Variants in LNX1 observed in about 807,000 individuals in gnomAD.
The protein encoded by LNX1 is ligand of numb-protein X 1.
In LNX1, 54 loss-of-function variants were observed where a neutral mutation model predicts 68.4. The ratio of observed to expected loss-of-function variants is 0.79; its 90% CI spans 0.63 to 0.99. The LOEUF (loss-of-function observed/expected upper bound fraction) is 0.99. Among genes scored for constraint, LNX1 ranks in the 50% least tolerant of loss-of-function variants. The pLI, the probability that LNX1 is intolerant of heterozygous loss-of-function variation, is 0.00. For synonymous variants in LNX1, 336 were observed against 350.0 expected (o/e 0.96, Z 0.45); for missense variants, 906 against 926.4 (o/e 0.98, Z 0.29).
intron 2 of LNX1, among the ~76,000 whole-genome samples, chr4:53,521,272 C>T (rs1192588785): frequency 6.6e-6 from 1 of 152,154 alleles, no homozygotes; most frequent in African/African-American, 2.4e-5. Flanking sequence ...ACCCCAGGGG[C>T]TCTGCAGAGG....
intron 2 of LNX1, among the ~76,000 whole-genome samples, chr4:53,552,251 G>T (rs906174449): frequency 7.2e-5 from 11 of 152,124 alleles, no homozygotes; most frequent in Non-Finnish European, 1.5e-5. Flanking sequence ...TGAAGGGCAG[G>T]TACTTTGAAA....
intron 2 of LNX1, among the ~76,000 whole-genome samples, chr4:53,615,499 A>G (rs1192776091): frequency 6.6e-6 from 1 of 152,154 alleles, no homozygotes; most frequent in Admixed American, 6.5e-5. Context: ...AAGGAAGAAG[A>G]CTGAGGCTCT....
chr4:53,507,078 G>A, intron 4 of LNX1, among the ~76,000 whole-genome samples: 1 of 151,966 alleles, frequency 6.6e-6, no homozygotes, highest in South Asian at 2.1e-4. Flanking sequence ...ATGCATAATG[G>A]TACTAGCGCC....
At chr4:53,562,809 G>A (rs934409620) in intron 2 of LNX1, among the ~76,000 whole-genome samples, 1 of 152,064 alleles carries the variant, frequency 6.6e-6, no homozygotes, top group Non-Finnish European at 1.5e-5. Flanking sequence ...ACATATATGA[G>A]GTAATGCATG....
At chr4:53,586,748 C>A (rs1048449460) in intron 1 of LNX1, among the ~76,000 whole-genome samples, 1 of 152,254 alleles carries the variant, frequency 6.6e-6, no homozygotes, top group East Asian at 1.9e-4. Flanking sequence ...GTAAAAACTG[C>A]AAATCTCAAA....
At chr4:53,535,406 G>A (rs770471744) in intron 2 of LNX1, among the ~76,000 whole-genome samples, 6 of 152,042 alleles carry the variant, frequency 3.9e-5, no homozygotes, top group Non-Finnish European at 8.8e-5. Context: ...AATCTCTCCC[G>A]TCCATCAAGA....
intron 2 of LNX1, among the ~76,000 whole-genome samples, chr4:53,614,820 C>G (rs2668558): frequency 0.72 from 109,689 of 151,476 alleles, 40,045 homozygotes; most frequent in East Asian, 0.9. Flanking sequence ...GCCTCCTGGT[C>G]ATGGAGCAAT....
At chr4:53,601,104 A>AG (rs1291545950) in intron 2 of LNX1, among the ~76,000 whole-genome samples, 27 of 9,670 alleles carry the variant, frequency 2.8e-3, no homozygotes, top group African/African-American at 0.011. Context: ...GGAGGGAGGG[A>AG]GGGGGGGAGG....
chr4:53,644,591 C>T (rs1408155650), intron 1 of LNX1, among the ~76,000 whole-genome samples: 1 of 152,194 alleles, frequency 6.6e-6, no homozygotes, highest in African/African-American at 2.4e-5. Context: ...AAACACACCA[C>T]TAGCTGGGAC....
At chr4:53,610,455 C>T (rs1451765961) in intron 2 of LNX1, among the ~76,000 whole-genome samples, 1 of 151,980 alleles carries the variant, frequency 6.6e-6, no homozygotes, top group Admixed American at 6.6e-5. Flanking sequence ...AGCCTGTAAT[C>T]CCAGCACTTT....
intron 6 of LNX1, among the ~76,000 whole-genome samples, chr4:53,487,878 T>C (rs1224891852): frequency 6.6e-6 from 1 of 152,236 alleles, no homozygotes; most frequent in Non-Finnish European, 1.5e-5. Context: ...TGAGACAGTT[T>C]GGCTTTAAAT....
chr4:53,605,467 G>A (rs532741401), intron 2 of LNX1, among the ~76,000 whole-genome samples: 1 of 152,022 alleles, frequency 6.6e-6, no homozygotes, highest in African/African-American at 2.4e-5. Context: ...TATGTTCCCA[G>A]TAAATTTCCA....
At chr4:53,573,503 GTT>G (rs1192521983) in intron 2 of LNX1, 118 bp downstream of exon 2, 1 of 666,594 alleles carries the variant, frequency 1.5e-6, no homozygotes, top group African/African-American at 1.8e-5. Flanking sequence ...ACACCTAGCT[GTT>G]TTTTTATTTT....
At chr4:53,625,414 T>C (rs371248077) in intron 1 of LNX1, among the ~76,000 whole-genome samples, 10 of 152,294 alleles carry the variant, frequency 6.6e-5, no homozygotes, top group African/African-American at 2.2e-4. Flanking sequence ...AGGATTTGAA[T>C]AGATATTAAT....
chr4:53,507,466 C>G lies in LNX1; in HGVS notation c.626G>C (p.Arg209Pro). The G allele has an allele frequency of 1.2e-6, 2 of 1,613,690 alleles. No homozygotes were observed. Among genetic ancestry groups the G allele is most frequent in the Non-Finnish European group, 1.7e-6 (2 of 1,179,820 alleles). ...DSGRSNRTRA[R>P]PFERSTIRSR... ...TCTAATAGTGGATCTCTCAAAGGGC[C>G]GTGCTGAGGAATAGCGACAGGAGGA... is the stretch of plus-strand genomic sequence containing the variant. Residue 209 changes from arginine to proline, a missense_variant, in exon 4 of 11, where the codon CGG becomes CCG. Arg to Pro is a moderately radical substitution (Grantham distance 103). Coordinates refer to ENST00000263925, the MANE Select transcript of LNX1 (RefSeq NM_001126328.3).
chr4:53,577,142 G>A (rs1731542597), intron 1 of LNX1, among the ~76,000 whole-genome samples: 1 of 152,160 alleles, frequency 6.6e-6, no homozygotes, highest in Non-Finnish European at 1.5e-5. Context: ...GAAAGTACTG[G>A]AATCTCACAG....
upstream of LNX1, chr4:53,591,749 C>G (rs1390981583): frequency 5.3e-6 from 1 of 189,556 alleles, no homozygotes; most frequent in Non-Finnish European, 9.8e-6. Context: ...GAGCACAGCA[C>G]GTGTCCAGCC....
At chr4:53,470,710 T>A (rs1027380732) in intron 9 of LNX1, among the ~76,000 whole-genome samples, 1 of 151,604 alleles carries the variant, frequency 6.6e-6, no homozygotes, top group African/African-American at 2.4e-5. Flanking sequence ...CAAACAGAGA[T>A]CCAAATCATG....
intron 9 of LNX1, among the ~76,000 whole-genome samples, chr4:53,462,443 T>C (rs1398098402): frequency 1.3e-5 from 2 of 152,116 alleles, no homozygotes; most frequent in African/African-American, 4.8e-5. Context: ...TTTGTAGCTG[T>C]AGTCCGGGAA....
Sources: gnomAD v4.1 joint callset for allele counts (sites outside exome capture counted in the v4.1 genomes callset) on GRCh38, gnomAD v4.1.1 for gene constraint, MANE v1.5 for transcripts, NCBI Gene and HGNC (gene_info 2026-07-23, HGNC 2026-07-21) for gene names.